MCM9: variants seen among roughly 807,000 people sequenced by gnomAD.
MCM9 encodes minichromosome maintenance 9 homologous recombination repair factor.
MCM9 carries 55 observed loss-of-function variants against 72.8 expected under a neutral mutation model. That is an observed-to-expected ratio of 0.76 (90% CI 0.61 to 0.95). The LOEUF is 0.95. Among genes scored for constraint, MCM9 ranks in the 40% least tolerant of loss-of-function variants. MCM9 has a pLI of 0.00. For synonymous variants in MCM9, 480 were observed against 503.4 expected (o/e 0.95, Z 0.62); for missense variants, 1,279 against 1,377.0 (o/e 0.93, Z 1.13).
Position 118,923,856 on chromosome 6 carries a change from A to G in MCM9, c.576T>C (p.Ser192=). The change falls in exon 4 of 14, where the codon TCT becomes TCC. Residue 192 remains serine, a synonymous_variant. Transcript: ENST00000619706. ...CCTGGTAATCTCTACACCTGGTTGG[A>G]GACGAAGACAAGCCTGAGAGGCAAG... ...KFTCLSGLSS[S]PTRCRDYQEI... The G allele has an allele frequency of 3.1e-6, 5 of 1,614,162 alleles. No homozygotes were observed. Among genetic ancestry groups the G allele is most frequent in the African/African-American group, 1.3e-5 (1 of 75,046 alleles).
intron 8 of MCM9, chr6:118,905,576 A>G: frequency 8.3e-7 from 1 of 1,204,906 alleles, no homozygotes; most frequent in Non-Finnish European, 1.2e-6. Context: ...GGTTCTAGGT[A>G]ACTGAAACTC....
chr6:118,842,196 G>A (rs1775419858), intron 9 of MCM9, among the ~76,000 whole-genome samples: 1 of 152,144 alleles, frequency 6.6e-6, no homozygotes, highest in Admixed American at 6.5e-5. Flanking sequence ...TAATTCAGTA[G>A]ACATTACATA....
At chr6:118,854,743 C>T (rs1196849324) in intron 9 of MCM9, among the ~76,000 whole-genome samples, 2 of 152,178 alleles carry the variant, frequency 1.3e-5, no homozygotes, top group Non-Finnish European at 2.9e-5. Context: ...TTAATTTCAT[C>T]AAATACATTT....
chr6:118,898,949 C>A (rs774141744), intron 8 of MCM9, among the ~76,000 whole-genome samples: 1 of 152,010 alleles, frequency 6.6e-6, no homozygotes, highest in Admixed American at 6.5e-5. Flanking sequence ...AATTTTTATC[C>A]TGCCTATTCA....
At chr6:118,924,552 T>C (rs1172208049) in intron 3 of MCM9, among the ~76,000 whole-genome samples, 1 of 152,100 alleles carries the variant, frequency 6.6e-6, no homozygotes, top group Non-Finnish European at 1.5e-5. Context: ...AGCAGACCGA[T>C]AAAGAGATGG....
intron 9 of MCM9, among the ~76,000 whole-genome samples, chr6:118,843,485 G>A (rs1226304098): frequency 4.0e-5 from 6 of 150,506 alleles, no homozygotes; most frequent in African/African-American, 9.8e-5. Flanking sequence ...AAAATTAGCC[G>A]GGTGTGGTGA....
At chr6:118,837,592 T>C (rs976590868) in intron 9 of MCM9, among the ~76,000 whole-genome samples, 1 of 152,242 alleles carries the variant, frequency 6.6e-6, no homozygotes, top group Non-Finnish European at 1.5e-5. Flanking sequence ...TTAGGTCTTC[T>C]TGTTGCATTG....
chr6:118,823,773 T>C (rs1057486964), intron 13 of MCM9, among the ~76,000 whole-genome samples: 18 of 152,204 alleles, frequency 1.2e-4, no homozygotes, highest in African/African-American at 4.3e-4. Context: ...AAAATTCATG[T>C]ATAATCATAG....
At chr6:118,921,137 T>C (rs1489121699) in intron 5 of MCM9, 1 of 152,212 alleles carries the variant, frequency 6.6e-6, no homozygotes, top group African/African-American at 2.4e-5. Flanking sequence ...TGCAGATTAT[T>C]ATCCAGATCA....
chr6:118,820,227 T>C (rs894239155), intron 13 of MCM9, among the ~76,000 whole-genome samples: 2 of 152,216 alleles, frequency 1.3e-5, no homozygotes, highest in Non-Finnish European at 2.9e-5. Flanking sequence ...GTGTCAATTT[T>C]AGTTCTTTCC....
chr6:118,850,038 A>G (rs1180226071), intron 9 of MCM9, among the ~76,000 whole-genome samples: 1 of 151,940 alleles, frequency 6.6e-6, no homozygotes, highest in East Asian at 1.9e-4. Context: ...TATTTTGCAA[A>G]TTTGGAAAAT....
chr6:118,905,839 T>C (rs1562432473), intron 8 of MCM9: 2 of 1,556,074 alleles, frequency 1.3e-6, no homozygotes, highest in Admixed American at 3.8e-5. Flanking sequence ...GTAATGTTCT[T>C]ACTATTCCTT....
intron 8 of MCM9, among the ~76,000 whole-genome samples, chr6:118,872,676 C>A (rs1175504312): frequency 6.6e-6 from 1 of 151,736 alleles, no homozygotes; most frequent in Non-Finnish European, 1.5e-5. Context: ...AAAAAAAACA[C>A]ACACACAACT....
chr6:118,874,053 AAGACC>A (rs1397673407), intron 8 of MCM9, among the ~76,000 whole-genome samples: 1 of 152,090 alleles, frequency 6.6e-6, no homozygotes, highest in Non-Finnish European at 1.5e-5. Context: ...CAGAAGTTCA[AAGACC>A]AGCCTGGGCA....
chr6:118,931,812 G>C, intron 2 of MCM9, 74 bp from the exon 3 acceptor site: 1 of 1,147,032 alleles, frequency 8.7e-7, no homozygotes. Context: ...AAAACGATTG[G>C]TTATAAATCA....
chr6:118,902,528 CTTT>C (rs33980013), intron 8 of MCM9, among the ~76,000 whole-genome samples: 1,485 of 131,478 alleles, frequency 0.011, 26 homozygotes, highest in African/African-American at 0.04. Flanking sequence ...ACTGATAATA[CTTT>C]TTTTTTTTTT....
chr6:118,886,585 A>C (rs1778619376), intron 8 of MCM9, among the ~76,000 whole-genome samples: 1 of 152,206 alleles, frequency 6.6e-6, no homozygotes, highest in Non-Finnish European at 1.5e-5. Context: ...TTAGAAAAAT[A>C]TTTCCATTAC....
rs1562440046 is a variant in MCM9 at position 118,924,114 on chromosome 6, A to G, written c.318T>C (p.Cys106=). Residue 106 remains cysteine, a synonymous_variant, in exon 4 of 14, where the codon TGT becomes TGC. Coordinates refer to ENST00000619706, the MANE Select transcript of MCM9 (RefSeq NM_017696.3). ...GTATGTGTTCCCTCACCAGCTCAGGACAGACAGGCAAACCTGATGGAGAAA... is the reference window on the plus strand; with the variant it reads ...GTATGTGTTCCCTCACCAGCTCAGGGCAGACAGGCAAACCTGATGGAGAAA... ...LHARISGLPV[C]PELVREHIPK... is the part of the protein sequence containing the mutation. 19 of 1,613,126 alleles carry G rather than the reference A, an allele frequency of 1.2e-5. No individual in the cohort carries two copies. Among genetic ancestry groups the G allele is most frequent in the Non-Finnish European group, 1.6e-5 (19 of 1,179,316 alleles).
intron 9 of MCM9, among the ~76,000 whole-genome samples, chr6:118,851,409 T>G (rs1342829568): frequency 6.6e-6 from 1 of 151,736 alleles, no homozygotes; most frequent in Non-Finnish European, 1.5e-5. Context: ...TACAAACCAC[T>G]GAATAGAGTT....
Sources: allele counts gnomAD v4.1 joint callset (sites outside exome capture counted in the v4.1 genomes callset), GRCh38; gene constraint gnomAD v4.1.1; transcripts MANE v1.5; gene names NCBI Gene and HGNC (gene_info 2026-07-23, HGNC 2026-07-21).